The following CEP85L variants were observed in gnomAD, a reference collection of about 807,000 sequenced individuals.
The protein encoded by CEP85L is centrosomal protein of 85 kDa-like.
In CEP85L, 60 loss-of-function variants were observed where a neutral mutation model predicts 100.3. The ratio of observed to expected loss-of-function variants is 0.60; its 90% CI spans 0.49 to 0.74. The LOEUF is 0.74. CEP85L is among the 30% of genes least tolerant of loss of function. The probability of loss-of-function intolerance (pLI) is 0.00; values close to 1 mark genes in which losing one functional copy is unlikely to be tolerated. For synonymous variants in CEP85L, 319 were observed against 322.7 expected, an observed-to-expected ratio of 0.99 and a Z score of 0.12; for missense variants, 973 against 936.2, an observed-to-expected ratio of 1.04 and a Z score of -0.51.
At chr6:118,617,956 G>C (rs1258303484) in intron 2 of CEP85L, among the ~76,000 whole-genome samples, 3 of 152,204 alleles carry the variant, frequency 2.0e-5, no homozygotes, top group Non-Finnish European at 4.4e-5. Context: ...CGATTAGCAA[G>C]ACCACTGGAC....
intron 3 of CEP85L, among the ~76,000 whole-genome samples, chr6:118,535,849 T>C (rs1342082536): frequency 6.6e-6 from 1 of 152,148 alleles, no homozygotes; most frequent in Non-Finnish European, 1.5e-5. Context: ...TTTCTTACTA[T>C]GCCTAAATTA....
chr6:118,690,999 GA>G (rs1279811650), intron 1 of CEP85L, among the ~76,000 whole-genome samples: 194 of 130,528 alleles, frequency 1.5e-3, no homozygotes, highest in Middle Eastern at 8.1e-3. Flanking sequence ...CCTGTCTCAG[GA>G]AAAAAAAAAA....
chr6:118,504,229 G>T (rs1775498374), intron 5 of CEP85L, among the ~76,000 whole-genome samples: 1 of 152,070 alleles, frequency 6.6e-6, no homozygotes, highest in South Asian at 2.1e-4. Context: ...ACAAAAATTA[G>T]CTGGGTGTGG....
intron 1 of CEP85L, among the ~76,000 whole-genome samples, chr6:118,644,997 A>G (rs988851703): frequency 3.9e-5 from 6 of 152,208 alleles, no homozygotes; most frequent in Non-Finnish European, 8.8e-5. Flanking sequence ...CTCAGGAGTG[A>G]AAGAATGAAG....
chr6:118,496,139 C>G (rs1358792242), intron 5 of CEP85L, among the ~76,000 whole-genome samples: 2 of 152,148 alleles, frequency 1.3e-5, no homozygotes, highest in Non-Finnish European at 2.9e-5. Context: ...GCATGTGACT[C>G]CACACATTGT....
At chr6:118,493,120 T>C (rs745555241) in intron 5 of CEP85L, among the ~76,000 whole-genome samples, 1 of 152,090 alleles carries the variant, frequency 6.6e-6, no homozygotes, top group South Asian at 2.1e-4. Flanking sequence ...ATTGAGCGAA[T>C]GAGGAAAAAG....
At chr6:118,482,013 G>A in intron 7 of CEP85L, 80 bp from the exon 8 acceptor site, 3 of 700,668 alleles carry the variant, frequency 4.3e-6, no homozygotes, top group East Asian at 3.5e-5. Context: ...GTGTTGGCAA[G>A]GATTAACAGA....
rs993809086 is a variant in CEP85L, at chr6:118,651,297, G to A, written c.-28C>T. ...CGGGCGAGAGGGCCGGGTGGGCCAG[G>A]GACGCCCGACTCCTCACGTCCGTCC... is the stretch of plus-strand genomic sequence containing the variant. On this transcript the variant is annotated 5_prime_UTR_variant, in exon 1 of 13. Coordinates refer to ENST00000368491, the MANE Select transcript of CEP85L (RefSeq NM_001042475.3). 2.0e-5 allele frequency: 29 copies of A among 1,465,590 alleles called. No individual in the cohort carries two copies. The Admixed American group carries it at 2.1e-4, about 11-fold the overall frequency. The allele number at this position is 1,465,590 out of a possible 1,614,324, so 90.8% of individuals were successfully genotyped here.
In CEP85L at chr6:118,511,149, T is replaced by C. The variant is rs922068915; in HGVS notation, c.1257+149A>G. The C allele has an allele frequency of 1.0e-5, 6 of 590,074 alleles. No individual in the cohort carries two copies. The African/African-American group carries it at 1.1e-4, about 11-fold the overall frequency. 36.6% of individuals were successfully genotyped at this position (590,074 alleles called of 1,614,324 possible). On this transcript the variant is annotated intron_variant, in intron 5 of 12. Transcript: ENST00000368491. ...AATCTGGACAGATGGAAGGCTGTAGTTGGACACTCTTTGCCACACATATAA... is the reference window on the plus strand; with the variant it reads ...AATCTGGACAGATGGAAGGCTGTAGCTGGACACTCTTTGCCACACATATAA...
intron 1 of CEP85L, among the ~76,000 whole-genome samples, chr6:118,688,255 T>C (rs1222877491): frequency 1.3e-5 from 2 of 152,126 alleles, no homozygotes; most frequent in African/African-American, 2.4e-5. Context: ...CATGCCTCGG[T>C]CTCCCAAAGT....
At chr6:118,504,773 G>C (rs1026151025) in intron 5 of CEP85L, among the ~76,000 whole-genome samples, 38 of 152,184 alleles carry the variant, frequency 2.5e-4, no homozygotes, top group African/African-American at 9.2e-4. Context: ...CTCAGTCTGT[G>C]GGTTCTGACG....
At chr6:118,609,026 G>T (rs1479545592) in intron 2 of CEP85L, among the ~76,000 whole-genome samples, 2 of 151,954 alleles carry the variant, frequency 1.3e-5, no homozygotes, top group African/African-American at 2.4e-5. Flanking sequence ...AGCTTCAGGT[G>T]GTGTGAATTA....
intron 6 of CEP85L, among the ~76,000 whole-genome samples, chr6:118,489,246 T>C (rs1355035094): frequency 6.8e-6 from 1 of 146,626 alleles, no homozygotes; most frequent in South Asian, 2.2e-4. Context: ...CAGCCTGAGT[T>C]TGCAAAAAGT....
At chr6:118,627,484 G>A (rs1464538000) in intron 2 of CEP85L, among the ~76,000 whole-genome samples, 1 of 152,224 alleles carries the variant, frequency 6.6e-6, no homozygotes, top group Non-Finnish European at 1.5e-5. Context: ...CAAAACAGAA[G>A]AGAGCAACAT....
intron 1 of CEP85L, among the ~76,000 whole-genome samples, chr6:118,685,450 A>G (rs1776798967): frequency 6.6e-6 from 1 of 152,228 alleles, no homozygotes; most frequent in Admixed American, 6.5e-5. Context: ...CGTTGATATA[A>G]ATAAAATACT....
At chr6:118,599,188 C>T (rs912336332) in intron 2 of CEP85L, among the ~76,000 whole-genome samples, 4 of 152,086 alleles carry the variant, frequency 2.6e-5, no homozygotes, top group African/African-American at 9.7e-5. Flanking sequence ...ATAAAAAGAA[C>T]CAGAGCTCAT....
At chr6:118,552,660 AT>A (rs528021665) in intron 3 of CEP85L, among the ~76,000 whole-genome samples, 61 of 149,494 alleles carry the variant, frequency 4.1e-4, no homozygotes, top group Non-Finnish European at 5.1e-4. Context: ...CTTGAACTTG[AT>A]TTTTTTTTTA....
At chr6:118,556,356 G>T (rs1778876378) in intron 3 of CEP85L, among the ~76,000 whole-genome samples, 1 of 152,116 alleles carries the variant, frequency 6.6e-6, no homozygotes, top group East Asian at 1.9e-4. Context: ...TGAGTGTTTG[G>T]AACTCCTTGC....
intron 5 of CEP85L, among the ~76,000 whole-genome samples, chr6:118,498,684 A>G (rs1775085497): frequency 6.6e-6 from 1 of 151,940 alleles, no homozygotes; most frequent in Non-Finnish European, 1.5e-5. Context: ...GGAGGGAAAC[A>G]GAAAAGAAAA....
Sources: gnomAD v4.1 joint callset for allele counts (sites outside exome capture counted in the v4.1 genomes callset) on GRCh38, gnomAD v4.1.1 for gene constraint, MANE v1.5 for transcripts, NCBI Gene and HGNC (gene_info 2026-07-23, HGNC 2026-07-21) for gene names.